GLRA2: variants seen among roughly 807,000 people sequenced by gnomAD.
The protein encoded by GLRA2 is glycine receptor alpha 2, also known as glycine receptor subunit alpha-2.
In GLRA2, 11 loss-of-function variants were observed where a neutral mutation model predicts 31.6. That is an observed-to-expected ratio of 0.35 (90% confidence interval 0.22 to 0.58). The LOEUF (loss-of-function observed/expected upper bound fraction) is 0.58. GLRA2 is among the 20% of genes least tolerant of loss of function. The pLI is 0.84. For synonymous variants in GLRA2, 132 were observed against 134.0 expected, an observed-to-expected ratio of 0.99 and a Z score of 0.10; for missense variants, 212 against 351.8, an observed-to-expected ratio of 0.60 and a Z score of 3.18.
chrX:14,728,628 T>A (rs183418453), intron 8 of GLRA2, among the ~76,000 whole-genome samples: 1 of 111,830 alleles, frequency 8.9e-6, no homozygotes, highest in African/African-American at 3.3e-5. Context: ...TGTTCAGCCA[T>A]GTTTAGGGCT....
At chrX:14,532,443 C>G in intron 2 of GLRA2, 71 bp downstream of exon 2, 1 of 617,396 alleles carries the variant, frequency 1.6e-6, no homozygotes, top group Non-Finnish European at 2.4e-6. Context: ...AACTGAAAAA[C>G]ATTTTCAGGG....
At chrX:14,462,255 A>T in the GLRA2 span, among the ~76,000 whole-genome samples, 1 of 111,042 alleles carries the variant, frequency 9.0e-6, no homozygotes, top group Non-Finnish European at 1.9e-5. Flanking sequence ...GGGTAACCTG[A>T]CCTTTCTCTC....
At chrX:14,659,043 C>T (rs978839536) in intron 7 of GLRA2, among the ~76,000 whole-genome samples, 4 of 112,275 alleles carry the variant, frequency 3.6e-5, no homozygotes, top group African/African-American at 1.3e-4. Context: ...TCTCTTCACT[C>T]TGCCTTAAAG....
the GLRA2 span, among the ~76,000 whole-genome samples, chrX:14,498,079 A>T: frequency 9.0e-6 from 1 of 111,274 alleles, no homozygotes; most frequent in East Asian, 2.8e-4. Flanking sequence ...TTATGTAAAT[A>T]TTGGAAGATA....
In GLRA2 at chrX:14,592,580, G is replaced by T. The variant is rs1163136777; in HGVS notation, c.494+11174G>T. Among the ~76,000 whole-genome samples, 3 of 111,343 alleles carry T rather than the reference G, an allele frequency of 2.7e-5. No individual in the cohort carries two copies. The Admixed American group carries it at 2.9e-4, about 11-fold the overall frequency. Reference sequence around the variant, plus strand: ...CCAGCTACTTAGGGGGCTGAGGCAGGAGGATAGCTTGAGCCCAGGAAGTCG... The same window carrying T: ...CCAGCTACTTAGGGGGCTGAGGCAGTAGGATAGCTTGAGCCCAGGAAGTCG... On this transcript the variant is annotated intron_variant, in intron 4 of 8. Coordinates refer to ENST00000218075, the MANE Select transcript of GLRA2 (RefSeq NM_002063.4).
At chrX:14,583,741 C>CAAACAA (rs749158576) in intron 4 of GLRA2, among the ~76,000 whole-genome samples, 8 of 110,527 alleles carry the variant, frequency 7.2e-5, no homozygotes, top group Non-Finnish European at 1.1e-4. Flanking sequence ...TCTGTGTCAA[C>CAAACAA]AAACAAAAAC....
intron 7 of GLRA2, among the ~76,000 whole-genome samples, chrX:14,644,331 G>A (rs1167794842): frequency 8.9e-6 from 1 of 111,839 alleles, no homozygotes; most frequent in East Asian, 2.8e-4. Flanking sequence ...ATAGACTAGT[G>A]GGATAGTCGA....
intron 2 of GLRA2, among the ~76,000 whole-genome samples, chrX:14,554,824 A>C (rs913503946): frequency 2.7e-5 from 3 of 111,764 alleles, no homozygotes; most frequent in Admixed American, 1.9e-4. Context: ...GGGGGAAGGA[A>C]GTCACTTGAA....
At chrX:14,471,589 ACT>A in the GLRA2 span, among the ~76,000 whole-genome samples, 6 of 111,987 alleles carry the variant, frequency 5.4e-5, no homozygotes, top group African/African-American at 1.9e-4. Flanking sequence ...GTCTTATTTA[ACT>A]CTTCACCAAT....
chrX:14,530,118 C>A lies in GLRA2; in HGVS notation c.61C>A (p.His21Asn). The A allele has an allele frequency of 8.6e-7, 1 of 1,162,392 alleles. No homozygotes were observed. Among genetic ancestry groups the A allele is most frequent in the African/African-American group, 1.8e-5 (1 of 56,798 alleles). The stretch of plus-strand genomic sequence containing the variant: ...GTTTGCATTTTTCTTAGAGACAAAC[C>A]ACTTCAGGTAGGTGAAACGACTTTG... ...ALFAFFLETN[H>N]FRTAFCKDHD... Residue 21 changes from histidine (H) to asparagine (N), a missense_variant, in exon 1 of 9, where the codon CAC becomes AAC. His to Asn is a moderately conservative substitution (Grantham distance 68). Transcript: ENST00000218075.
intron 7 of GLRA2, among the ~76,000 whole-genome samples, chrX:14,639,875 G>C (rs1032744034): frequency 8.9e-6 from 1 of 112,041 alleles, no homozygotes; most frequent in African/African-American, 3.2e-5. Context: ...ATGATACAAA[G>C]AACTGCTACA....
chrX:14,623,792 A>G (rs1287800709), intron 7 of GLRA2, among the ~76,000 whole-genome samples: 2 of 111,122 alleles, frequency 1.8e-5, no homozygotes, highest in Non-Finnish European at 3.8e-5. Context: ...TTCATCAGGG[A>G]TATTGGTCTA....
the GLRA2 span, among the ~76,000 whole-genome samples, chrX:14,503,300 A>G: frequency 2.7e-5 from 3 of 111,178 alleles, no homozygotes; most frequent in African/African-American, 9.8e-5. Flanking sequence ...TAAGGAGTTT[A>G]CAGAAATGTT....
intron 8 of GLRA2, among the ~76,000 whole-genome samples, chrX:14,693,612 A>G (rs1339219473): frequency 2.7e-5 from 3 of 112,249 alleles, no homozygotes; most frequent in Non-Finnish European, 5.6e-5. Flanking sequence ...AACATAATTA[A>G]CAAACTACAC....
intron 4 of GLRA2, among the ~76,000 whole-genome samples, chrX:14,588,572 T>G (rs2090107609): frequency 8.9e-6 from 1 of 112,096 alleles, no homozygotes; most frequent in South Asian, 3.7e-4. Context: ...GGGCTGTTTT[T>G]TGGTTCTGTA....
At position 14,542,581 on chromosome X, in the gene GLRA2, T is replaced by C. The variant is rs141727474; in HGVS notation, c.202+10209T>C. Among the ~76,000 whole-genome samples the C allele has an allele frequency of 9.0e-5, 10 of 110,509 alleles. No individual in the cohort carries two copies. In the East Asian group the frequency reaches 2.9e-3, roughly 32 times the overall value. On this transcript the variant is annotated intron_variant, in intron 2 of 8. Transcript: ENST00000218075. ...TGTGAACTGGATGAGTTGTAATTGT[T>C]TTAATATTGCTTATCTTGAGACCAG...
At chrX:14,473,805 C>T in the GLRA2 span, among the ~76,000 whole-genome samples, 90 of 112,017 alleles carry the variant, frequency 8.0e-4, no homozygotes, top group Non-Finnish European at 1.4e-3. Context: ...TGAAAGGAAA[C>T]TGTTTCAGAT....
chrX:14,721,023 G>A (rs1205634197), intron 8 of GLRA2, among the ~76,000 whole-genome samples: 1 of 108,458 alleles, frequency 9.2e-6, no homozygotes, highest in Non-Finnish European at 1.9e-5. Context: ...GGGAGGCTAA[G>A]GCAGGAGGAT....
chrX:14,469,263 T>C, the GLRA2 span, among the ~76,000 whole-genome samples: 1 of 112,059 alleles, frequency 8.9e-6, no homozygotes, highest in East Asian at 2.8e-4. Context: ...TGACTGGTAA[T>C]GCCTAGGTTT....
Sources: gnomAD v4.1 joint callset for allele counts (sites outside exome capture counted in the v4.1 genomes callset) on GRCh38, gnomAD v4.1.1 for gene constraint, MANE v1.5 for transcripts, NCBI Gene and HGNC (gene_info 2026-07-23, HGNC 2026-07-21) for gene names.